The following C2orf68 variants were observed in gnomAD, a reference collection of about 807,000 sequenced individuals.
C2orf68 encodes the protein chromosome 2 open reading frame 68, also known as UPF0561 protein C2orf68.
In C2orf68, 15 loss-of-function variants were observed where a neutral mutation model predicts 19.1. The observed-to-expected ratio is 0.79, with a 90% confidence interval of 0.53 to 1.21. The LOEUF is 1.21. C2orf68 is among the 50% of genes most tolerant of loss of function. C2orf68 has a pLI of 0.00. For synonymous variants in C2orf68, 98 were observed against 91.0 expected (o/e 1.08, Z -0.44); for missense variants, 242 against 226.6 (o/e 1.07, Z -0.44).
At position 85,608,975 on chromosome 2, in the gene C2orf68, C is replaced by T. The variant is rs1673326814; in HGVS notation, c.471G>A (p.Glu157=). 6.2e-7 allele frequency: 1 copy of T among 1,614,126 alleles called. No individual in the cohort carries two copies. The highest frequency in any genetic ancestry group is 8.5e-7 in the Non-Finnish European group (1 of 1,180,058). ...GTTGGCTCTGGCGCTTTGCAATCTC[C>T]TCCTGGATACGCAACTTGAGGGCTT... ...MREALKLRIQ[E]EIAKRQSQH Residue 157 remains glutamate (E), a synonymous_variant, in exon 4 of 4, where the codon GAG becomes GAA. Coordinates refer to ENST00000306336, the MANE Select transcript of C2orf68 (RefSeq NM_001013649.4).
In C2orf68 at chr2:85,607,431, G is replaced by C. The variant is rs1162081675; in HGVS notation, c.*1514C>G. 2.0e-5 allele frequency: 3 copies of C among 152,300 alleles called. No homozygotes were observed. The East Asian group carries it at 5.8e-4, about 29-fold the overall frequency. 9.4% of individuals were successfully genotyped at this position (152,300 alleles called of 1,614,324 possible). ...TCCTTTCAAAGGAGAACTGAGCCCA[G>C]GATTGGTAAGTTTAAGGCACTTAAC... On this transcript the variant is annotated 3_prime_UTR_variant, in exon 4 of 4. Transcript: ENST00000306336.
rs1212586537 is a variant in C2orf68, at chr2:85,608,366, T to G, written c.*579A>C. 6.6e-6 allele frequency: 1 copy of G among 151,638 alleles called. No individual in the cohort carries two copies. Among genetic ancestry groups the G allele is most frequent in the South Asian group, 2.1e-4 (1 of 4,800 alleles). The allele number at this position is 151,638 out of a possible 1,614,324, so 9.4% of individuals were successfully genotyped here. A position where few individuals can be genotyped will look rare whatever the true frequency, so the allele number is the denominator to read the frequency against. ...TTGGAGAGTTTTTTAGAAGGGTAGA[T>G]CCCCAGGCCCCGCCCCCACCTCCAA... On this transcript the variant is annotated 3_prime_UTR_variant, in exon 4 of 4. Coordinates refer to ENST00000306336, the MANE Select transcript of C2orf68 (RefSeq NM_001013649.4).
At chr2:85,609,175 G>A (rs1673343326) in intron 3 of C2orf68, 108 bp from the exon 4 acceptor site, 1 of 1,453,810 alleles carries the variant, frequency 6.9e-7, no homozygotes, top group Admixed American at 2.2e-5. Flanking sequence ...AAGGCTTTTT[G>A]CCAGCACCTG....
rs1348386051 is a variant in C2orf68 at position 85,611,772 on chromosome 2, T to C, written c.122A>G (p.Lys41Arg). 2.5e-6 allele frequency: 4 copies of C among 1,612,184 alleles called. No homozygotes were observed. The highest frequency in any genetic ancestry group is 3.4e-6 in the Non-Finnish European group (4 of 1,179,532). ...CTCCTTGGCCGCCTGCTTCACCTTC[T>C]TGTCATAGTCGTCCCTGCGGGGAGC... Reference protein sequence around the residue: ...RNQIARDDYDKKVKQAAKEKV... With the variant: ...RNQIARDDYDRKVKQAAKEKV... The change falls in exon 2 of 4, where the codon AAG (lysine) becomes AGG (arginine). Residue 41 changes from lysine to arginine, a missense_variant. Coordinates refer to ENST00000306336, the MANE Select transcript of C2orf68 (RefSeq NM_001013649.4).
rs544428260 is a variant in C2orf68 at position 85,606,432 on chromosome 2, G to A, written c.*2513C>T. Among the ~76,000 whole-genome samples, 10 of 152,326 alleles carry A rather than the reference G, an allele frequency of 6.6e-5. No individual in the cohort carries two copies. In the South Asian group the frequency reaches 1.9e-3, roughly 28 times the overall value. ...AGTACTGCCTTGGACCCCAGCTGAG[G>A]GGTGGCAGTAAGCAATGAGGATGGG... On this transcript the variant is annotated 3_prime_UTR_variant, in exon 4 of 4. Coordinates refer to ENST00000306336, the MANE Select transcript of C2orf68 (RefSeq NM_001013649.4).
Position 85,611,801 on chromosome 2 carries a change from G to A in C2orf68, c.108-15C>T, listed in dbSNP as rs1223483511. 1.2e-6 allele frequency: 2 copies of A among 1,610,274 alleles called. No homozygotes were observed. The highest frequency in any genetic ancestry group is 1.7e-6 in the Non-Finnish European group (2 of 1,179,458). ...CATAGTCGTCCCTGCGGGGAGCCGA[G>A]CGGGAGTCAGGGACTGTCGGGCCGG... On this transcript the variant is annotated splice_polypyrimidine_tract_variant and intron_variant, in intron 1 of 3. Transcript: ENST00000306336.
At position 85,611,729 on chromosome 2, in the gene C2orf68, G is replaced by A. The variant is rs1265575576; in HGVS notation, c.165C>T (p.His55=). Residue 55 remains histidine, a synonymous_variant, in exon 2 of 4, where the codon CAC becomes CAT. Coordinates refer to ENST00000306336, the MANE Select transcript of C2orf68 (RefSeq NM_001013649.4). ...TGCGGGGCCGCGTCGGCGCGGGCGTGTGCCGCCTCCTCACCTTCTCCTTGG... is the reference window on the plus strand; with the variant it reads ...TGCGGGGCCGCGTCGGCGCGGGCGTATGCCGCCTCCTCACCTTCTCCTTGG... ...QAAKEKVRRR[H]TPAPTRPRKP... The A allele has an allele frequency of 3.7e-6, 6 of 1,606,832 alleles. No homozygotes were observed. The highest frequency in any genetic ancestry group is 4.2e-6 in the Non-Finnish European group (5 of 1,177,414).
chr2:85,612,051 C>T lies in C2orf68; in HGVS notation c.-67G>A, dbSNP rs988625945. On this transcript the variant is annotated 5_prime_UTR_variant, in exon 1 of 4. Transcript: ENST00000306336. ...CAACAACAGCCACCCGCCCACAGAG[C>T]TCCGCGCCGCCCCTTGCTCAGCTTC... The T allele has an allele frequency of 3.3e-6, 4 of 1,209,624 alleles. No homozygotes were observed. Among genetic ancestry groups the T allele is most frequent in the African/African-American group, 3.1e-5 (2 of 63,956 alleles). The allele number at this position is 1,209,624 out of a possible 1,614,324, so 74.9% of individuals were successfully genotyped here. A position where few individuals can be genotyped will look rare whatever the true frequency, so the allele number is the denominator to read the frequency against.
rs192206692 is a variant in C2orf68, at chr2:85,608,328, G to C, written c.*617C>G. On this transcript the variant is annotated 3_prime_UTR_variant, in exon 4 of 4. Transcript: ENST00000306336. The stretch of plus-strand genomic sequence containing the variant: ...AAAATGGAGGTCTCCCACTTTATTG[G>C]TATCAGAATTACTTGGAGAGTTTTT... 6.6e-6 allele frequency: 1 copy of C among 152,238 alleles called. No homozygotes were observed. Among genetic ancestry groups the C allele is most frequent in the East Asian group, 1.9e-4 (1 of 5,180 alleles). The allele number at this position is 152,238 out of a possible 1,614,324, so 9.4% of individuals were successfully genotyped here. A position where few individuals can be genotyped will look rare whatever the true frequency, so the allele number is the denominator to read the frequency against.
intron 2 of C2orf68, chr2:85,611,317 C>T: frequency 7.0e-7 from 1 of 1,424,064 alleles, no homozygotes; most frequent in African/African-American, 1.5e-5. Context: ...AGGCCATTTA[C>T]TGGGTTCATT....
chr2:85,609,206 G>A, intron 3 of C2orf68, 139 bp from the exon 4 acceptor site: 2 of 1,315,650 alleles, frequency 1.5e-6, no homozygotes, highest in Non-Finnish European at 2.1e-6. Context: ...TGTGTCTCCT[G>A]TAATAGTGAT....
intron 3 of C2orf68, 106 bp from the exon 4 acceptor site, chr2:85,609,173 T>C: frequency 6.8e-7 from 1 of 1,473,140 alleles, no homozygotes; most frequent in South Asian, 1.3e-5. Flanking sequence ...TCAAGGCTTT[T>C]TGCCAGCACC....
chr2:85,606,478 T>G lies in C2orf68; in HGVS notation c.*2467A>C, dbSNP rs1376720132. On this transcript the variant is annotated 3_prime_UTR_variant, in exon 4 of 4. Transcript: ENST00000306336. ...ATGGGCTATAAAGCTGTTAACTGGCTAAGGGCCATCCTTGGGCAGGCATTT... is the reference window on the plus strand; with the variant it reads ...ATGGGCTATAAAGCTGTTAACTGGCGAAGGGCCATCCTTGGGCAGGCATTT... Among the ~76,000 whole-genome samples, 2 of 152,216 alleles carry G rather than the reference T, an allele frequency of 1.3e-5. No individual in the cohort carries two copies. Among genetic ancestry groups the G allele is most frequent in the African/African-American group, 4.8e-5 (2 of 41,458 alleles).
rs767123847 is a variant in C2orf68, at chr2:85,611,724, G to A, written c.170C>T (p.Pro57Leu). The A allele has an allele frequency of 6.2e-7, 1 of 1,604,524 alleles. No individual in the cohort carries two copies. The highest frequency in any genetic ancestry group is 1.3e-5 in the African/African-American group (1 of 74,764). Residue 57 changes from proline to leucine, a missense_variant, in exon 2 of 4, where the codon CCC becomes CTC. Physicochemically the swap from Pro to Leu is moderately conservative, Grantham distance 98. Transcript: ENST00000306336. ...AKEKVRRRHT[P>L]APTRPRKPDL... ...TGGCTTGCGGGGCCGCGTCGGCGCG[G>A]GCGTGTGCCGCCTCCTCACCTTCTC... is the stretch of plus-strand genomic sequence containing the variant.
rs1211899767 is a variant in C2orf68 at position 85,606,387 on chromosome 2, G to A, written c.*2558C>T. Among the ~76,000 whole-genome samples, 1 of 152,220 alleles carries A rather than the reference G, an allele frequency of 6.6e-6. No individual in the cohort carries two copies. The highest frequency in any genetic ancestry group is 2.4e-5 in the African/African-American group (1 of 41,460). ...GAAAGAAGTAGATGTCTGGAGGCAGGTCTGGTGAATAAACTGAATAGTACT... is the reference window on the plus strand; with the variant it reads ...GAAAGAAGTAGATGTCTGGAGGCAGATCTGGTGAATAAACTGAATAGTACT... On this transcript the variant is annotated 3_prime_UTR_variant, in exon 4 of 4. Transcript: ENST00000306336.
Position 85,611,885 on chromosome 2 carries a change from T to A in C2orf68, c.100A>T (p.Ile34Phe), listed in dbSNP as rs1243107307. Residue 34 changes from isoleucine (I) to phenylalanine (F), a missense_variant, in exon 1 of 4, where the codon ATC becomes TTC. Transcript: ENST00000306336. ...GFVHHIRRNQ[I>F]ARDDYDKKVK... ...CGCAGGGCGGGGCGGTACCGAGCGA[T>A]CTGGTTCCGTCGGATATGGTGCACG... The A allele has an allele frequency of 2.5e-5, 40 of 1,596,422 alleles. No homozygotes were observed. Among genetic ancestry groups the A allele is most frequent in the Non-Finnish European group, 3.1e-5 (36 of 1,176,834 alleles).
In C2orf68 at chr2:85,608,103, C is replaced by T. The variant is rs935472184; in HGVS notation, c.*842G>A. Reference sequence around the variant, plus strand: ...ATTCCCTTTTAGTCTGAGCAGAGGACAGTCTGTTCACGGCTAGGAATCAAG... The same window carrying T: ...ATTCCCTTTTAGTCTGAGCAGAGGATAGTCTGTTCACGGCTAGGAATCAAG... On this transcript the variant is annotated 3_prime_UTR_variant, in exon 4 of 4. Transcript: ENST00000306336. 2 of 152,180 alleles carry T rather than the reference C, an allele frequency of 1.3e-5. No homozygotes were observed. Among genetic ancestry groups the T allele is most frequent in the African/African-American group, 4.8e-5 (2 of 41,446 alleles). The allele number at this position is 152,180 out of a possible 1,614,324, so 9.4% of individuals were successfully genotyped here.
chr2:85,608,328 G>T lies in C2orf68; in HGVS notation c.*617C>A, dbSNP rs192206692. 2 of 152,120 alleles carry T rather than the reference G, an allele frequency of 1.3e-5. No homozygotes were observed. Among genetic ancestry groups the T allele is most frequent in the Non-Finnish European group, 2.9e-5 (2 of 68,038 alleles). The allele number at this position is 152,120 out of a possible 1,614,324, so 9.4% of individuals were successfully genotyped here. A position where few individuals can be genotyped will look rare whatever the true frequency, so the allele number is the denominator to read the frequency against. ...AAAATGGAGGTCTCCCACTTTATTG[G>T]TATCAGAATTACTTGGAGAGTTTTT... On this transcript the variant is annotated 3_prime_UTR_variant, in exon 4 of 4. Transcript: ENST00000306336.
intron 3 of C2orf68, 94 bp from the exon 4 acceptor site, chr2:85,609,161 G>T: frequency 6.6e-7 from 1 of 1,518,096 alleles, no homozygotes; most frequent in Non-Finnish European, 8.9e-7. Flanking sequence ...ACTCCATTTA[G>T]CTCAAGGCTT....
Sources: gnomAD v4.1 joint callset for allele counts (sites outside exome capture counted in the v4.1 genomes callset) on GRCh38, gnomAD v4.1.1 for gene constraint, MANE v1.5 for transcripts, NCBI Gene and HGNC (gene_info 2026-07-23, HGNC 2026-07-21) for gene names.